Variants in TGFA observed in about 807,000 individuals in gnomAD.
TGFA encodes protransforming growth factor alpha.
A neutral mutation model predicts 21.7 loss-of-function variants in TGFA; 12 were observed. The observed-to-expected ratio is 0.55, with a 90% CI of 0.35 to 0.90. TGFA has a LOEUF of 0.90. Among genes scored for constraint, TGFA ranks in the 40% least tolerant of loss-of-function variants. TGFA has a pLI of 0.01. For synonymous variants in TGFA, 79 were observed against 88.1 expected, an observed-to-expected ratio of 0.90 and a Z score of 0.58; for missense variants, 178 against 210.8, an observed-to-expected ratio of 0.84 and a Z score of 0.96.
chr2:70,522,992 G>C (rs1559134376), intron 1 of TGFA, among the ~76,000 whole-genome samples: 1 of 152,110 alleles, frequency 6.6e-6, no homozygotes, highest in Admixed American at 6.5e-5. Context: ...TGTTCAGTTG[G>C]GTGGTAAGTT....
At chr2:70,532,158 A>G (rs1672829407) in intron 1 of TGFA, among the ~76,000 whole-genome samples, 1 of 152,228 alleles carries the variant, frequency 6.6e-6, no homozygotes, top group African/African-American at 2.4e-5. Flanking sequence ...CTGCCTGTGA[A>G]GCCTCTGAAA....
At chr2:70,541,599 C>T (rs528008931) in intron 1 of TGFA, among the ~76,000 whole-genome samples, 1 of 152,230 alleles carries the variant, frequency 6.6e-6, no homozygotes, top group South Asian at 2.1e-4. Context: ...AGAGCTCACA[C>T]AGGGAGATGG....
At chr2:70,493,566 C>T (rs1671494979) in intron 2 of TGFA, among the ~76,000 whole-genome samples, 2 of 152,090 alleles carry the variant, frequency 1.3e-5, no homozygotes, top group Non-Finnish European at 1.5e-5. Flanking sequence ...TCCAGAATCC[C>T]CCATATGAGA....
chr2:70,544,544 T>C (rs1427416463), intron 1 of TGFA, among the ~76,000 whole-genome samples: 1 of 152,156 alleles, frequency 6.6e-6, no homozygotes, highest in Admixed American at 6.5e-5. Context: ...GTCTCCCACA[T>C]TAGAACACAG....
chr2:70,536,459 T>C (rs1423534669), intron 1 of TGFA, among the ~76,000 whole-genome samples: 6 of 152,240 alleles, frequency 3.9e-5, no homozygotes, highest in African/African-American at 1.2e-4. Context: ...CCATAAAATA[T>C]ACCTTAACAC....
At chr2:70,503,125 G>T (rs1170012) in intron 2 of TGFA, among the ~76,000 whole-genome samples, 1 of 152,080 alleles carries the variant, frequency 6.6e-6, no homozygotes, top group African/African-American at 2.4e-5. Flanking sequence ...ACATGCACAC[G>T]TATGTTTATT....
intron 2 of TGFA, among the ~76,000 whole-genome samples, chr2:70,487,699 A>G (rs1553496908): frequency 6.6e-6 from 1 of 152,230 alleles, no homozygotes; most frequent in Non-Finnish European, 1.5e-5. Context: ...TGAAGTTTTC[A>G]TCTAATATAT....
intron 2 of TGFA, among the ~76,000 whole-genome samples, chr2:70,469,937 T>C (rs1342970515): frequency 2.0e-5 from 3 of 152,204 alleles, no homozygotes; most frequent in Admixed American, 1.3e-4. Flanking sequence ...TTAACCCCTA[T>C]TGATGGATAC....
At chr2:70,532,868 T>TTC (rs111665202) in intron 1 of TGFA, among the ~76,000 whole-genome samples, 6,128 of 107,352 alleles carry the variant, frequency 0.057, 293 homozygotes, top group East Asian at 0.14. Context: ...TCTTTTTCTT[T>TTC]TTTTTTTTTT....
At chr2:70,471,107 G>GCCC (rs1290386793) in intron 2 of TGFA, among the ~76,000 whole-genome samples, 2 of 117,952 alleles carry the variant, frequency 1.7e-5, no homozygotes, top group African/African-American at 3.7e-5. Flanking sequence ...TCTCCTCCCC[G>GCCC]CACCCCCCCC....
intron 1 of TGFA, among the ~76,000 whole-genome samples, chr2:70,528,623 T>C (rs2103896192): frequency 6.6e-6 from 1 of 152,318 alleles, no homozygotes; most frequent in South Asian, 2.1e-4. Flanking sequence ...GCCAGTATCC[T>C]GGTTTTAGTG....
chr2:70,488,007 G>A (rs773151839), intron 2 of TGFA, among the ~76,000 whole-genome samples: 3 of 152,080 alleles, frequency 2.0e-5, no homozygotes, highest in Admixed American at 2.0e-4. Context: ...CGTCAATTTC[G>A]TGGCAATGTA....
rs3771495 is a variant in TGFA, at chr2:70,498,071, C to A, written c.94+16788G>T. 2.0e-5 allele frequency among the ~76,000 whole-genome samples: 3 copies of A among 152,214 alleles called. No homozygotes were observed. In the East Asian group the frequency reaches 5.8e-4, roughly 29 times the overall value. On this transcript the variant is annotated intron_variant, in intron 2 of 5. Transcript: ENST00000295400. ...CAATTTCCAGTTTACATAACAGTAG[C>A]ATTCCAAGAGCTTGTTTGTAAATCA...
At chr2:70,487,172 A>C (rs1444689306) in intron 2 of TGFA, among the ~76,000 whole-genome samples, 2 of 152,236 alleles carry the variant, frequency 1.3e-5, no homozygotes, top group African/African-American at 2.4e-5. Context: ...AAGCATGCAA[A>C]AGCCATTCAC....
At chr2:70,544,675 A>G (rs1673237363) in intron 1 of TGFA, among the ~76,000 whole-genome samples, 1 of 152,258 alleles carries the variant, frequency 6.6e-6, no homozygotes, top group Non-Finnish European at 1.5e-5. Context: ...CACATTCACA[A>G]TAAGGGCAAA....
At chr2:70,537,128 G>T (rs528655862) in intron 1 of TGFA, among the ~76,000 whole-genome samples, 2 of 151,730 alleles carry the variant, frequency 1.3e-5, no homozygotes, top group East Asian at 1.9e-4. Flanking sequence ...ATGGTGACAG[G>T]TGCTCAGTGA....
At chr2:70,511,268 G>A (rs1672091326) in intron 2 of TGFA, among the ~76,000 whole-genome samples, 1 of 152,118 alleles carries the variant, frequency 6.6e-6, no homozygotes, top group Non-Finnish European at 1.5e-5. Flanking sequence ...TATAGCTTTT[G>A]TTCTAAAATT....
chr2:70,551,385 T>C (rs1367885997), intron 1 of TGFA, among the ~76,000 whole-genome samples: 1 of 152,204 alleles, frequency 6.6e-6, no homozygotes, highest in African/African-American at 2.4e-5. Flanking sequence ...TCACATTCTC[T>C]TACTGAAAAC....
At chr2:70,469,619 G>C (rs527328130) in intron 2 of TGFA, among the ~76,000 whole-genome samples, 1 of 152,298 alleles carries the variant, frequency 6.6e-6, no homozygotes, top group East Asian at 1.9e-4. Context: ...TTATAGGTGC[G>C]AGCCGCCACG....
Sources: allele counts gnomAD v4.1 joint callset (sites outside exome capture counted in the v4.1 genomes callset), GRCh38; gene constraint gnomAD v4.1.1; transcripts MANE v1.5; gene names NCBI Gene and HGNC (gene_info 2026-07-23, HGNC 2026-07-21).